Variants in AGXT2 observed in about 807,000 individuals in gnomAD.
AGXT2 encodes alanine--glyoxylate aminotransferase 2, mitochondrial.
A neutral mutation model predicts 62.5 loss-of-function variants in AGXT2; 61 were observed. The observed-to-expected ratio is 0.98, with a 90% CI of 0.79 to 1.21. The LOEUF (loss-of-function observed/expected upper bound fraction) is 1.21, where lower values mean the gene tolerates loss of function less well. Among genes scored for constraint, AGXT2 ranks in the 50% most tolerant of loss-of-function variants. AGXT2 has a pLI of 0.00. For synonymous variants in AGXT2, 243 were observed against 218.7 expected (o/e 1.11, Z -0.98); for missense variants, 666 against 641.5 (o/e 1.04, Z -0.41).
intron 9 of AGXT2, among the ~76,000 whole-genome samples, chr5:35,020,761 T>C (rs558931007): frequency 6.6e-6 from 1 of 152,112 alleles, no homozygotes; most frequent in African/African-American, 2.4e-5. Context: ...GGGTATTCAA[T>C]AGGAAAAGAG....
chr5:35,035,046 T>C (rs1216340208), intron 5 of AGXT2, among the ~76,000 whole-genome samples, 176 bp downstream of exon 5: 1 of 152,182 alleles, frequency 6.6e-6, no homozygotes, highest in African/African-American at 2.4e-5. Flanking sequence ...CAGGCCAACT[T>C]GAATGGTGTT....
intron 12 of AGXT2, among the ~76,000 whole-genome samples, chr5:35,004,228 C>T (rs774666896): frequency 2.3e-4 from 35 of 152,198 alleles, no homozygotes; most frequent in Non-Finnish European, 1.8e-4. Context: ...TTCCTTAACT[C>T]TTCACTTTGT....
chr5:35,023,720 T>G (rs344517), intron 9 of AGXT2, among the ~76,000 whole-genome samples: 114,447 of 152,008 alleles, frequency 0.75, 43,826 homozygotes, highest in Middle Eastern at 0.83. Flanking sequence ...GGGAGGATGG[T>G]CTCAGCAGGA....
At position 35,000,730 on chromosome 5, in the gene AGXT2, A is replaced by G. The variant is rs151004527; in HGVS notation, c.1438-1904T>C. ...TTGTGCAGGTTTCTATCTTCATCTC[A>G]CTGAGCTTCTCATCTAGACATTAGA... On this transcript the variant is annotated intron_variant, in intron 13 of 13. Coordinates refer to ENST00000231420, the MANE Select transcript of AGXT2 (RefSeq NM_031900.4). Among the ~76,000 whole-genome samples the G allele has an allele frequency of 1.4e-3, 206 of 152,186 alleles. 4 individuals carry two copies. The East Asian group carries it at 0.026, about 20-fold the overall frequency.
intron 1 of AGXT2, among the ~76,000 whole-genome samples, chr5:35,045,024 A>T (rs1191089104): frequency 6.6e-6 from 1 of 152,192 alleles, no homozygotes; most frequent in Non-Finnish European, 1.5e-5. Flanking sequence ...AAATTGGTAC[A>T]TGGGAGCACA....
chr5:35,021,797 C>A (rs1384363705), intron 9 of AGXT2, among the ~76,000 whole-genome samples: 2 of 151,840 alleles, frequency 1.3e-5, no homozygotes, highest in Non-Finnish European at 2.9e-5. Flanking sequence ...ACCTACAAAA[C>A]GGGAGAAAAT....
In AGXT2 at chr5:35,012,800, C is replaced by A. The variant is rs532766315; in HGVS notation, c.1188+154G>T. On this transcript the variant is annotated intron_variant, in intron 11 of 13. Transcript: ENST00000231420. ...AGTAGGTCTTTAAAAAGGGAGAAGG[C>A]AGAATAATAAATGGAAATCTAACTT... 2.0e-3 allele frequency: 1,533 copies of A among 778,804 alleles called. 1 individual carries two copies. The highest frequency in any genetic ancestry group is 3.0e-3 in the Non-Finnish European group (1,380 of 453,544). 48.2% of individuals were successfully genotyped at this position (778,804 alleles called of 1,614,324 possible). A position where few individuals can be genotyped will look rare whatever the true frequency, so the allele number is the denominator to read the frequency against.
Position 35,025,863 on chromosome 5 carries a change from A to G in AGXT2, c.871-8T>C, listed in dbSNP as rs766244800. 1 of 1,613,596 alleles carries G rather than the reference A, an allele frequency of 6.2e-7. No individual in the cohort carries two copies. The highest frequency in any genetic ancestry group is 1.7e-5 in the Admixed American group (1 of 60,028). On this transcript the variant is annotated splice_polypyrimidine_tract_variant and splice_region_variant and intron_variant, in intron 8 of 13. Transcript: ENST00000231420. ...GACAACTCCATTCACACCCTGCAAA[A>G]GACCAGACCAAGAAGACCTATAATA...
intron 1 of AGXT2, among the ~76,000 whole-genome samples, chr5:35,043,008 C>G (rs1025007173): frequency 1.3e-5 from 2 of 152,186 alleles, no homozygotes; most frequent in African/African-American, 4.8e-5. Flanking sequence ...ATTTGGAGAA[C>G]AGCATCGCTT....
chr5:35,003,420 G>T (rs1766306115), intron 13 of AGXT2, among the ~76,000 whole-genome samples: 1 of 152,170 alleles, frequency 6.6e-6, no homozygotes, highest in South Asian at 2.1e-4. Context: ...ACAGGAGATA[G>T]ATTATTTACT....
chr5:34,999,002 C>T (rs1371180943), intron 13 of AGXT2, among the ~76,000 whole-genome samples, 176 bp from the exon 14 acceptor site: 1 of 152,338 alleles, frequency 6.6e-6, no homozygotes, highest in African/African-American at 2.4e-5. Flanking sequence ...CCTCCAGTCT[C>T]CATACAAACC....
At chr5:35,045,707 C>G (rs1768161291) in intron 1 of AGXT2, among the ~76,000 whole-genome samples, 1 of 151,534 alleles carries the variant, frequency 6.6e-6, no homozygotes, top group Non-Finnish European at 1.5e-5. Context: ...TTTGCAAGGC[C>G]AGGTGATGAG....
chr5:35,017,655 A>G (rs1306259601), intron 9 of AGXT2, among the ~76,000 whole-genome samples: 2 of 152,148 alleles, frequency 1.3e-5, no homozygotes, highest in African/African-American at 2.4e-5. Flanking sequence ...AAACTCTAAA[A>G]AGCAGAGCAC....
At position 35,008,029 on chromosome 5, in the gene AGXT2, G is replaced by A. The variant is rs1766498287; in HGVS notation, c.1338+1971C>T. On this transcript the variant is annotated intron_variant, in intron 12 of 13. Coordinates refer to ENST00000231420, the MANE Select transcript of AGXT2 (RefSeq NM_031900.4). ...TCTTCCCCTTCCACCACGAACAGAA[G>A]CAGTCTGAGGCCCTCATCAGATGCA... Among the ~76,000 whole-genome samples, 3 of 152,006 alleles carry A rather than the reference G, an allele frequency of 2.0e-5. No homozygotes were observed. The South Asian group carries it at 6.2e-4, about 31-fold the overall frequency.
At chr5:35,037,499 C>A (rs972163285) in intron 3 of AGXT2, among the ~76,000 whole-genome samples, 2 of 151,990 alleles carry the variant, frequency 1.3e-5, no homozygotes, top group African/African-American at 2.4e-5. Flanking sequence ...ATCAGTAGTT[C>A]TTCCCTCCCT....
chr5:35,012,667 A>C (rs1766688821), intron 11 of AGXT2: 1 of 415,132 alleles, frequency 2.4e-6, no homozygotes, highest in Admixed American at 3.7e-5. Context: ...TCTATAAATC[A>C]CTACCAAGAT....
chr5:35,028,994 G>A (rs1767468244), intron 7 of AGXT2, among the ~76,000 whole-genome samples: 2 of 152,102 alleles, frequency 1.3e-5, no homozygotes, highest in Admixed American at 1.3e-4. Flanking sequence ...ATACTAGCTG[G>A]CCCCAAACAT....
chr5:35,027,102 G>A (rs1261750921), intron 7 of AGXT2: 10 of 748,020 alleles, frequency 1.3e-5, no homozygotes, highest in Admixed American at 6.3e-5. Context: ...GACTTTCTCC[G>A]ATTAATCAGG....
chr5:35,024,797 CAGTCTCTACTAAAAAATACAAAACT>C (rs1376073018), intron 9 of AGXT2, among the ~76,000 whole-genome samples: 3 of 151,866 alleles, frequency 2.0e-5, no homozygotes, highest in Middle Eastern at 3.4e-3. Flanking sequence ...GGAGAAACCC[CAGTCTCTACTAAAAAATACAAAACT>C]AGCCGGGTGT....
Sources: allele counts gnomAD v4.1 joint callset (sites outside exome capture counted in the v4.1 genomes callset), GRCh38; gene constraint gnomAD v4.1.1; transcripts MANE v1.5; gene names NCBI Gene and HGNC (gene_info 2026-07-23, HGNC 2026-07-21).